N4BP1: variants seen among roughly 807,000 people sequenced by gnomAD.
The protein encoded by N4BP1 is NEDD4-binding protein 1.
Under a neutral mutation model 70.9 loss-of-function variants are expected in N4BP1, and 21 were observed. That is an observed-to-expected ratio of 0.30 (90% CI 0.21 to 0.43). The LOEUF (loss-of-function observed/expected upper bound fraction) is 0.43, where lower values mean the gene tolerates loss of function less well. N4BP1 is among the 20% of genes least tolerant of loss of function. The probability of loss-of-function intolerance (pLI) is 1.00; values close to 1 mark genes in which losing one functional copy is unlikely to be tolerated. For synonymous variants in N4BP1, 387 were observed against 394.6 expected, an observed-to-expected ratio of 0.98 and a Z score of 0.23; for missense variants, 936 against 1,069.4, an observed-to-expected ratio of 0.88 and a Z score of 1.74.
intron 1 of N4BP1, chr16:48,600,433 A>C (rs1964477908): frequency 7.7e-6 from 5 of 650,526 alleles, no homozygotes; most frequent in South Asian, 4.3e-5. Flanking sequence ...AAAACTACTG[A>C]AGCAATGAAG....
intron 1 of N4BP1, among the ~76,000 whole-genome samples, chr16:48,583,509 C>T (rs1331652315): frequency 6.6e-6 from 1 of 152,102 alleles, no homozygotes; most frequent in Non-Finnish European, 1.5e-5. Flanking sequence ...TAGTTAATGA[C>T]AATATATTGT....
intron 1 of N4BP1, among the ~76,000 whole-genome samples, chr16:48,599,150 C>G (rs1964461821): frequency 6.6e-6 from 1 of 152,096 alleles, no homozygotes; most frequent in African/African-American, 2.4e-5. Flanking sequence ...GGTATAATAA[C>G]TATAATTTTT....
intron 1 of N4BP1, among the ~76,000 whole-genome samples, chr16:48,586,759 C>G (rs571174917): frequency 2.7e-4 from 41 of 152,290 alleles, no homozygotes; most frequent in African/African-American, 9.6e-4. Context: ...AAACTAATTT[C>G]TTTGGAGTAT....
chr16:48,563,767 GC>G (rs543018715), intron 1 of N4BP1, among the ~76,000 whole-genome samples: 415 of 152,318 alleles, frequency 2.7e-3, no homozygotes, highest in Middle Eastern at 6.8e-3. Context: ...GTGAATGCTG[GC>G]GTGAGCCACT....
At chr16:48,578,431 T>A (rs1425589311) in intron 1 of N4BP1, 1 of 152,308 alleles carries the variant, frequency 6.6e-6, no homozygotes, top group East Asian at 1.9e-4. Flanking sequence ...GACTACTCCC[T>A]GAGCACTTCC....
rs111565874 is a variant in N4BP1 at position 48,598,234 on chromosome 16, G to A, written c.198+11541C>T. On this transcript the variant is annotated intron_variant, in intron 1 of 6. Transcript: ENST00000262384. ...GCTGTGCTTAAGGGTGTCCTTTAGG[G>A]TGGAAGCCCTCACATAACCTTACTG... 2.3e-3 allele frequency among the ~76,000 whole-genome samples: 356 copies of A among 152,296 alleles called. 2 individuals are homozygous for A. The highest frequency in any genetic ancestry group is 8.2e-3 in the African/African-American group (342 of 41,552).
intron 1 of N4BP1, among the ~76,000 whole-genome samples, chr16:48,570,451 A>G (rs1964000263): frequency 6.6e-6 from 1 of 152,022 alleles, no homozygotes; most frequent in African/African-American, 2.4e-5. Context: ...ACTCAAGAAA[A>G]TTCTCATGCC....
chr16:48,600,044 C>A (rs889746368), intron 1 of N4BP1: 2 of 305,716 alleles, frequency 6.5e-6, no homozygotes, highest in Non-Finnish European at 6.1e-6. Flanking sequence ...AACAAAGTAA[C>A]AATTTCATTT....
intron 1 of N4BP1, among the ~76,000 whole-genome samples, chr16:48,563,986 T>C (rs1309152644): frequency 1.3e-5 from 2 of 152,236 alleles, no homozygotes; most frequent in African/African-American, 2.4e-5. Context: ...TATGGAACAC[T>C]AGAATTTATT....
Position 48,562,264 on chromosome 16 carries a change from C to T in N4BP1, c.379G>A (p.Val127Met). 6.2e-7 allele frequency: 1 copy of T among 1,613,964 alleles called. No homozygotes were observed. Among genetic ancestry groups the T allele is most frequent in the South Asian group, 1.1e-5 (1 of 91,076 alleles). The change falls in exon 2 of 7, where the codon GTG (valine) becomes ATG (methionine). Residue 127 changes from valine (V) to methionine (M), a missense_variant. By Grantham distance (21) the Val-to-Met change is conservative. Transcript: ENST00000262384. ...TGAATGTGACTCCTAGCCATGACCA[C>T]AGCCTCAGCACTTCCTCTGATGCCA... ...LLGIRGSAEAVVMARSHIQQF... is the reference protein window; with the variant it reads ...LLGIRGSAEAMVMARSHIQQF...
At chr16:48,545,038 C>G (rs1963568507) in intron 6 of N4BP1, among the ~76,000 whole-genome samples, 1 of 152,058 alleles carries the variant, frequency 6.6e-6, no homozygotes, top group South Asian at 2.1e-4. Context: ...GATCTCGGCT[C>G]ACTGCAACCT....
At position 48,551,933 on chromosome 16, in the gene N4BP1, G is replaced by A. The variant is rs529512802; in HGVS notation, c.2021-451C>T. The stretch of plus-strand genomic sequence containing the variant: ...CTCAGGAGGCTGAGGCAGGAGAATC[G>A]CTTGAACCCAGGAGGCAGAGGTTGC... On this transcript the variant is annotated intron_variant, in intron 3 of 6. Transcript: ENST00000262384. Among the ~76,000 whole-genome samples the A allele has an allele frequency of 7.9e-5, 12 of 152,142 alleles. No homozygotes were observed. In the East Asian group the frequency reaches 1.9e-3, roughly 25 times the overall value.
chr16:48,586,549 T>C (rs1192596968), intron 1 of N4BP1, among the ~76,000 whole-genome samples: 3 of 152,262 alleles, frequency 2.0e-5, no homozygotes, highest in Non-Finnish European at 4.4e-5. Flanking sequence ...TATACTCTTT[T>C]AGTAAGGCTC....
intron 1 of N4BP1, among the ~76,000 whole-genome samples, chr16:48,563,352 C>T (rs1244317073): frequency 1.3e-5 from 2 of 151,192 alleles, no homozygotes; most frequent in Admixed American, 6.6e-5. Context: ...GGGACCCTAT[C>T]TCTAAAAAAA....
chr16:48,562,851 C>T (rs1963881360), intron 1 of N4BP1, among the ~76,000 whole-genome samples: 1 of 152,106 alleles, frequency 6.6e-6, no homozygotes, highest in African/African-American at 2.4e-5. Flanking sequence ...TGATTGACTA[C>T]AGAACAAATC....
chr16:48,609,230 T>C (rs753953513), intron 1 of N4BP1, among the ~76,000 whole-genome samples: 14 of 151,934 alleles, frequency 9.2e-5, no homozygotes, highest in South Asian at 2.1e-4. Context: ...TAGAAAAAAA[T>C]AGGTAAACAT....
chr16:48,561,764 C>T lies in N4BP1; in HGVS notation c.879G>A (p.Arg293=), dbSNP rs1963861268. 6.2e-7 allele frequency: 1 copy of T among 1,612,670 alleles called. No homozygotes were observed. Among genetic ancestry groups the T allele is most frequent in the African/African-American group, 1.3e-5 (1 of 75,056 alleles). ...QKRRFSDSEE[R]HTKKQFSLEN... is the part of the protein sequence containing the mutation. ...CCAAAGAAAACTGCTTCTTCGTATG[C>T]CTTTCTTCAGAATCAGAAAATCTCC... Residue 293 remains arginine (R), a synonymous_variant, in exon 2 of 7, where the codon AGG becomes AGA. Coordinates refer to ENST00000262384, the MANE Select transcript of N4BP1 (RefSeq NM_153029.4).
chr16:48,570,518 T>C (rs1315380258), intron 1 of N4BP1, among the ~76,000 whole-genome samples: 1 of 152,120 alleles, frequency 6.6e-6, no homozygotes, highest in African/African-American at 2.4e-5. Context: ...AGCTAATGTT[T>C]TGTATTTTAG....
At chr16:48,554,151 T>G (rs935370630) in intron 2 of N4BP1, among the ~76,000 whole-genome samples, 1 of 143,014 alleles carries the variant, frequency 7.0e-6, no homozygotes, top group African/African-American at 2.6e-5. Context: ...ATTTTAAGAA[T>G]GCAGAAAGCA....
Sources: gnomAD v4.1 joint callset for allele counts (sites outside exome capture counted in the v4.1 genomes callset) on GRCh38, gnomAD v4.1.1 for gene constraint, MANE v1.5 for transcripts, NCBI Gene and HGNC (gene_info 2026-07-23, HGNC 2026-07-21) for gene names.